The following ECPAS variants were observed in gnomAD, a reference collection of about 807,000 sequenced individuals.
ECPAS encodes the protein Ecm29 proteasome adaptor and scaffold.
In ECPAS, 70 loss-of-function variants were observed where a neutral mutation model predicts 255.1. The observed-to-expected ratio is 0.27, with a 90% CI of 0.23 to 0.33. The LOEUF is 0.33. ECPAS is among the 10% of genes least tolerant of loss of function. ECPAS has a pLI of 1.00. For missense variants in ECPAS, 1,817 were observed against 2,206.4 expected, an observed-to-expected ratio of 0.82 and a Z score of 3.54; for synonymous variants, 784 against 775.0, an observed-to-expected ratio of 1.01 and a Z score of -0.19.
At chr9:111,425,902 T>C (rs1017885731) in intron 10 of ECPAS, 74 bp from the exon 11 acceptor site, 4 of 735,326 alleles carry the variant, frequency 5.4e-6, no homozygotes, top group Admixed American at 4.3e-5. Context: ...GTAATCAGAA[T>C]TCAGCAGCAG....
rs772011409 is a variant in ECPAS, at chr9:111,369,181, A to G, written c.4975-8T>C. ...ACTGCTTTCAAGTGAGTTCTAGGAT[A>G]TATCAAAGAAAAGAAAATGTAATAT... is the stretch of plus-strand genomic sequence containing the variant. On this transcript the variant is annotated splice_polypyrimidine_tract_variant and splice_region_variant and intron_variant, in intron 45 of 49. Transcript: ENST00000684092. 1 of 1,499,186 alleles carries G rather than the reference A, an allele frequency of 6.7e-7. No individual in the cohort carries two copies. The highest frequency in any genetic ancestry group is 1.4e-5 in the African/African-American group (1 of 69,200). The allele number at this position is 1,499,186 out of a possible 1,614,324, so 92.9% of individuals were successfully genotyped here. A position where few individuals can be genotyped will look rare whatever the true frequency, so the allele number is the denominator to read the frequency against.
chr9:111,423,235 A>C lies in ECPAS; in HGVS notation c.1229T>G (p.Leu410Arg). 6.4e-7 allele frequency: 1 copy of C among 1,558,602 alleles called. No individual in the cohort carries two copies. The highest frequency in any genetic ancestry group is 8.7e-7 in the Non-Finnish European group (1 of 1,149,430). The stretch of plus-strand genomic sequence containing the variant: ...TCCAACAGCTGAATATGCCATTGAC[A>C]GTAGTTTAGGGTCCTTGAAATTAAA... ...INEYKEDPKL[L>R]SMAYSAVGKL... Residue 410 changes from leucine (L) to arginine (R), a missense_variant, in exon 13 of 50, where the codon CTG becomes CGG. Physicochemically the swap from Leu to Arg is moderately radical, Grantham distance 102. This residue lies in a region of ECPAS where 573 missense variants were observed against 716.2 expected (regional missense o/e 0.80). Coordinates refer to ENST00000684092, the MANE Select transcript of ECPAS (RefSeq NM_001364929.1).
At chr9:111,477,070 G>A (rs555526468) in intron 1 of ECPAS, among the ~76,000 whole-genome samples, 2 of 152,096 alleles carry the variant, frequency 1.3e-5, no homozygotes, top group East Asian at 3.9e-4. Context: ...CCAAAGTGCT[G>A]GGATTACAGG....
chr9:111,437,543 T>C (rs1232370920), intron 6 of ECPAS, among the ~76,000 whole-genome samples: 1 of 152,168 alleles, frequency 6.6e-6, no homozygotes, highest in African/African-American at 2.4e-5. Context: ...GAAGTTGTAA[T>C]TCACCTTCAA....
intron 21 of ECPAS, 181 bp downstream of exon 21, chr9:111,411,833 C>T (rs979691468): frequency 1.5e-5 from 8 of 517,518 alleles, no homozygotes; most frequent in South Asian, 6.1e-5. Context: ...ACACAGCACC[C>T]GTATCTGTTA....
chr9:111,363,325 A>G (rs964726151), intron 49 of ECPAS, among the ~76,000 whole-genome samples: 2 of 152,204 alleles, frequency 1.3e-5, no homozygotes, highest in African/African-American at 4.8e-5. Context: ...TTAAATCAGG[A>G]TTCACGATGA....
At chr9:111,416,678 A>T (rs904595401) in intron 17 of ECPAS, among the ~76,000 whole-genome samples, 1 of 152,208 alleles carries the variant, frequency 6.6e-6, no homozygotes, top group African/African-American at 2.4e-5. Context: ...AACTACAAGC[A>T]GAGAATCTTC....
At chr9:111,376,656 C>A in intron 36 of ECPAS, 115 bp from the exon 37 acceptor site, 2 of 772,682 alleles carry the variant, frequency 2.6e-6, no homozygotes, top group Non-Finnish European at 4.3e-6. Flanking sequence ...AAAAATAATC[C>A]GTAGCTATAA....
Position 111,363,053 on chromosome 9 carries a change from G to A in ECPAS, c.5380+535C>T, listed in dbSNP as rs571457335. ...GAGAGAGAGAGAGAAAAAAGAAGAG[G>A]GTCCTCCTTCTGAAGTCAGTAACAG... On this transcript the variant is annotated intron_variant, in intron 49 of 49. Transcript: ENST00000684092. 2.6e-5 allele frequency among the ~76,000 whole-genome samples: 4 copies of A among 152,136 alleles called. No individual in the cohort carries two copies. The South Asian group carries it at 8.3e-4, about 32-fold the overall frequency.
At chr9:111,478,031 G>A (rs905336330) in intron 1 of ECPAS, among the ~76,000 whole-genome samples, 4 of 151,612 alleles carry the variant, frequency 2.6e-5, no homozygotes, top group Non-Finnish European at 5.9e-5. Flanking sequence ...CTCCCAAGTA[G>A]CTGGGACTAC....
At chr9:111,483,074 C>T (rs1412997110) in intron 1 of ECPAS, among the ~76,000 whole-genome samples, 2 of 152,202 alleles carry the variant, frequency 1.3e-5, no homozygotes, top group Non-Finnish European at 2.9e-5. Context: ...CACCTTCTCC[C>T]CCTTCCCGAA....
intron 6 of ECPAS, among the ~76,000 whole-genome samples, chr9:111,440,078 G>T (rs1255338243): frequency 3.9e-5 from 6 of 151,908 alleles, no homozygotes; most frequent in Non-Finnish European, 7.4e-5. Flanking sequence ...ACCCAGGCTG[G>T]TCTGAAACTC....
At position 111,405,977 on chromosome 9, in the gene ECPAS, T is replaced by C. The variant is rs370448005; in HGVS notation, c.2652+2594A>G. On this transcript the variant is annotated intron_variant, in intron 24 of 49. Coordinates refer to ENST00000684092, the MANE Select transcript of ECPAS (RefSeq NM_001364929.1). ...TGAAGGTTCCTCAAAAAACTAAAAA[T>C]AGAACTATCATATAACCCAGCAATC... 1.9e-4 allele frequency among the ~76,000 whole-genome samples: 29 copies of C among 149,676 alleles called. 4 individuals carry two copies. In the East Asian group the frequency reaches 2.6e-3, roughly 14 times the overall value.
At position 111,435,751 on chromosome 9, in the gene ECPAS, C is replaced by T. The variant is rs575302993; in HGVS notation, c.708+1189G>A. Among the ~76,000 whole-genome samples the T allele has an allele frequency of 1.8e-3, 267 of 148,706 alleles. 2 individuals are homozygous for T. Among genetic ancestry groups the T allele is most frequent in the Middle Eastern group, 7.2e-3 (2 of 278 alleles). ...CTGGAGTGCAGTGGCACGATCTCGG[C>T]GCACTGCAAGCTCTGCCTCCTGGGT... is the stretch of plus-strand genomic sequence containing the variant. On this transcript the variant is annotated intron_variant, in intron 7 of 49. Coordinates refer to ENST00000684092, the MANE Select transcript of ECPAS (RefSeq NM_001364929.1).
intron 35 of ECPAS, among the ~76,000 whole-genome samples, chr9:111,381,903 T>C (rs1414912120): frequency 6.6e-6 from 1 of 152,174 alleles, no homozygotes; most frequent in Non-Finnish European, 1.5e-5. Context: ...CCTCTTTTTT[T>C]CTTCTTCGTC....
At position 111,440,439 on chromosome 9, in the gene ECPAS, C is replaced by A; in HGVS notation, c.472G>T (p.Ala158Ser). Reference sequence around the variant, plus strand: ...AGCTGCACAGTCTTTGGTTTCTCAGCAAGATTAAATGGAGAAGCTGATTTT... The same window carrying A: ...AGCTGCACAGTCTTTGGTTTCTCAGAAAGATTAAATGGAGAAGCTGATTTT... The part of the protein sequence containing the change: ...SSKSASPFNL[A>S]EKPKTVQLLL... The change falls in exon 6 of 50, where the codon GCT becomes TCT. Residue 158 changes from alanine to serine, a missense_variant. Ala to Ser is a moderately conservative substitution (Grantham distance 99, BLOSUM62 1). Coordinates refer to ENST00000684092, the MANE Select transcript of ECPAS (RefSeq NM_001364929.1). 6.2e-7 allele frequency: 1 copy of A among 1,613,244 alleles called. No homozygotes were observed. The highest frequency in any genetic ancestry group is 8.5e-7 in the Non-Finnish European group (1 of 1,179,510).
At chr9:111,430,781 G>A (rs931551886) in intron 8 of ECPAS, among the ~76,000 whole-genome samples, 153 bp from the exon 9 acceptor site, 2 of 152,180 alleles carry the variant, frequency 1.3e-5, no homozygotes, top group African/African-American at 4.8e-5. Context: ...AGAAGGAAAA[G>A]AAAGGGACTA....
intron 2 of ECPAS, among the ~76,000 whole-genome samples, chr9:111,469,990 G>A (rs1048498379): frequency 3.3e-5 from 5 of 152,148 alleles, no homozygotes; most frequent in Non-Finnish European, 5.9e-5. Context: ...GGAGTGGGGA[G>A]AAGATCCATT....
At chr9:111,475,725 G>A (rs2098295363) in intron 1 of ECPAS, among the ~76,000 whole-genome samples, 4 of 146,796 alleles carry the variant, frequency 2.7e-5, no homozygotes, top group Admixed American at 6.8e-5. Context: ...GACAGAGTGA[G>A]ACTCTAGTTT....
Sources: allele counts gnomAD v4.1 joint callset (sites outside exome capture counted in the v4.1 genomes callset), GRCh38; gene constraint gnomAD v4.1.1; regional missense constraint gnomAD v4.1.1; transcripts MANE v1.5; gene names NCBI Gene and HGNC (gene_info 2026-07-23, HGNC 2026-07-21).